Variants in CNTN5 observed in about 807,000 individuals in gnomAD.
CNTN5 encodes contactin 5.
A neutral mutation model predicts 129.1 loss-of-function variants in CNTN5; 77 were observed. The observed-to-expected ratio is 0.60, with a 90% CI of 0.50 to 0.72. The LOEUF (loss-of-function observed/expected upper bound fraction) is 0.72. Among genes scored for constraint, CNTN5 ranks in the 30% least tolerant of loss-of-function variants. The probability of loss-of-function intolerance (pLI) is 0.00; values close to 1 mark genes in which losing one functional copy is unlikely to be tolerated. For synonymous variants in CNTN5, 509 were observed against 465.6 expected (o/e 1.09, Z -1.20); for missense variants, 1,478 against 1,328.8 (o/e 1.11, Z -1.75).
At chr11:99,127,365 T>C (rs1000620320) in intron 1 of CNTN5, among the ~76,000 whole-genome samples, 1 of 152,202 alleles carries the variant, frequency 6.6e-6, no homozygotes, top group Non-Finnish European at 1.5e-5. Context: ...CTCCATACTA[T>C]ATATTTTCAA....
intron 2 of CNTN5, among the ~76,000 whole-genome samples, chr11:99,334,781 T>C (rs1866151436): frequency 6.6e-6 from 1 of 152,102 alleles, no homozygotes; most frequent in African/African-American, 2.4e-5. Context: ...GTAGAAATTA[T>C]AATATTTTAG....
chr11:99,027,094 G>A (rs1591065307), intron 1 of CNTN5, among the ~76,000 whole-genome samples: 1 of 151,242 alleles, frequency 6.6e-6, no homozygotes, highest in East Asian at 1.9e-4. Flanking sequence ...TCAAATGACA[G>A]AAGGGGTTTT....
At chr11:99,742,980 C>T (rs1943933498) in intron 3 of CNTN5, among the ~76,000 whole-genome samples, 1 of 152,186 alleles carries the variant, frequency 6.6e-6, no homozygotes, top group Non-Finnish European at 1.5e-5. Context: ...TTTATCTTAG[C>T]TTGTGTGGCT....
At chr11:99,405,576 G>A (rs538838734) in intron 2 of CNTN5, among the ~76,000 whole-genome samples, 131 of 149,602 alleles carry the variant, frequency 8.8e-4, no homozygotes, top group Non-Finnish European at 1.5e-3. Flanking sequence ...CAATCTCTTT[G>A]TTAAATTTAC....
intron 15 of CNTN5, among the ~76,000 whole-genome samples, chr11:100,211,520 C>T (rs1000044284): frequency 1.3e-5 from 2 of 151,344 alleles, no homozygotes; most frequent in Admixed American, 6.6e-5. Flanking sequence ...TGGGAAAGAC[C>T]ATAAATCATA....
chr11:99,187,815 T>TTATAATTATGTAAATTACA (rs1858430582), intron 1 of CNTN5, among the ~76,000 whole-genome samples: 1 of 151,824 alleles, frequency 6.6e-6, no homozygotes. Context: ...TTAATTTTAT[T>TTATAATTATGTAAATTACA]TATAATTATG....
chr11:99,923,152 T>C lies in CNTN5; in HGVS notation c.673+7003T>C, dbSNP rs572716788. Among the ~76,000 whole-genome samples, 51 of 152,308 alleles carry C rather than the reference T, an allele frequency of 3.3e-4. 1 individual carries two copies. The South Asian group carries it at 0.01, about 31-fold the overall frequency. ...TTCAAATAAAAGCAAAAGCTTGAAT[T>C]GACTTGATAGCTAAATTTCTCAGTT... is the stretch of plus-strand genomic sequence containing the variant. On this transcript the variant is annotated intron_variant, in intron 7 of 24. Coordinates refer to ENST00000524871, the MANE Select transcript of CNTN5 (RefSeq NM_014361.4).
intron 1 of CNTN5, among the ~76,000 whole-genome samples, chr11:99,236,169 T>C (rs1474872245): frequency 6.6e-6 from 1 of 152,158 alleles, no homozygotes; most frequent in Non-Finnish European, 1.5e-5. Context: ...GGTATACCAC[T>C]CATAATTGAG....
chr11:99,170,310 G>A (rs939293297), intron 1 of CNTN5, among the ~76,000 whole-genome samples: 11 of 152,116 alleles, frequency 7.2e-5, no homozygotes, highest in Admixed American at 5.9e-4. Context: ...AGGACGCACA[G>A]GTTAATATAC....
chr11:100,081,034 C>T (rs551088722), intron 13 of CNTN5, among the ~76,000 whole-genome samples: 11 of 152,012 alleles, frequency 7.2e-5, no homozygotes, highest in African/African-American at 2.4e-4. Flanking sequence ...AAGGAAATGG[C>T]CTTACATTCA....
intron 2 of CNTN5, among the ~76,000 whole-genome samples, chr11:99,428,641 A>C (rs1943240063): frequency 6.6e-6 from 1 of 151,908 alleles, no homozygotes; most frequent in African/African-American, 2.4e-5. Context: ...CCAGATATTT[A>C]ATGAATATCT....
At chr11:100,040,846 A>G (rs951374394) in intron 9 of CNTN5, among the ~76,000 whole-genome samples, 2 of 152,100 alleles carry the variant, frequency 1.3e-5, no homozygotes, top group Non-Finnish European at 2.9e-5. Context: ...TTAGGGTGGG[A>G]GTGATCCAAT....
intron 3 of CNTN5, among the ~76,000 whole-genome samples, chr11:99,799,965 C>A (rs557149173): frequency 6.6e-6 from 1 of 152,092 alleles, no homozygotes; most frequent in South Asian, 2.1e-4. Context: ...CTCTCTGATT[C>A]AATTTTGAGA....
intron 21 of CNTN5, among the ~76,000 whole-genome samples, chr11:100,320,543 T>C (rs534712723): frequency 2.0e-5 from 3 of 152,316 alleles, no homozygotes; most frequent in East Asian, 1.9e-4. Context: ...CTTTGTAGTT[T>C]GATGTAATCC....
At chr11:100,323,862 T>C (rs573067974) in intron 21 of CNTN5, among the ~76,000 whole-genome samples, 130 of 152,208 alleles carry the variant, frequency 8.5e-4, no homozygotes, top group African/African-American at 3.0e-3. Flanking sequence ...TTGGCTTTTA[T>C]TTTTTTCCAG....
intron 13 of CNTN5, among the ~76,000 whole-genome samples, chr11:100,141,193 T>C (rs1010697828): frequency 6.6e-6 from 1 of 152,034 alleles, no homozygotes; most frequent in African/African-American, 2.4e-5. Flanking sequence ...AGGCAATACA[T>C]ACAGCCATGT....
intron 2 of CNTN5, among the ~76,000 whole-genome samples, chr11:99,426,788 A>T (rs1943140437): frequency 6.6e-6 from 1 of 152,044 alleles, no homozygotes; most frequent in Non-Finnish European, 1.5e-5. Context: ...AATTATTTTG[A>T]TTGTCATATT....
chr11:99,890,121 C>T (rs1467197875), intron 6 of CNTN5, among the ~76,000 whole-genome samples: 15 of 151,942 alleles, frequency 9.9e-5, no homozygotes, highest in African/African-American at 3.4e-4. Flanking sequence ...CCTCAATGGG[C>T]AATATATTTG....
intron 6 of CNTN5, among the ~76,000 whole-genome samples, chr11:99,910,729 A>G (rs1003698521): frequency 6.6e-6 from 1 of 152,134 alleles, no homozygotes; most frequent in African/African-American, 2.4e-5. Context: ...TAGGTATGTT[A>G]GTAGCTAGTG....
Sources: allele counts gnomAD v4.1 joint callset (sites outside exome capture counted in the v4.1 genomes callset), GRCh38; gene constraint gnomAD v4.1.1; transcripts MANE v1.5; gene names NCBI Gene and HGNC (gene_info 2026-07-23, HGNC 2026-07-21).